Variants in NUDT5 observed in about 807,000 individuals in gnomAD.
The protein encoded by NUDT5 is ADP-sugar pyrophosphatase.
NUDT5 carries 21 observed loss-of-function variants against 34.1 expected under a neutral mutation model. The observed-to-expected ratio is 0.62, with a 90% CI of 0.44 to 0.89. NUDT5 has a LOEUF of 0.89. Ranked by LOEUF, NUDT5 falls within the 40% of genes least tolerant of loss-of-function variation. The pLI, the probability that NUDT5 is intolerant of heterozygous loss-of-function variation, is 0.00. For synonymous variants in NUDT5, 85 were observed against 97.6 expected, an observed-to-expected ratio of 0.87 and a Z score of 0.76; for missense variants, 249 against 274.8, an observed-to-expected ratio of 0.91 and a Z score of 0.66.
Position 12,169,557 on chromosome 10 carries a change from G to A in NUDT5, c.550+1160C>T. On this transcript the variant is annotated intron_variant, in intron 9 of 9. Transcript: ENST00000491614. The surrounding 1 kb of genome is among the most constrained non-coding windows in gnomAD (Gnocchi z 4.8). ...GATTGTCATGCCTTTCTCCAAATAC[G>A]CACCAGATAAACTATTGTATCTATT... 4.5e-6 allele frequency: 2 copies of A among 442,826 alleles called. No individual in the cohort carries two copies. Among genetic ancestry groups the A allele is most frequent in the Admixed American group, 4.0e-5 (1 of 24,868 alleles). 27.4% of individuals were successfully genotyped at this position (442,826 alleles called of 1,614,324 possible). A position where few individuals can be genotyped will look rare whatever the true frequency, so the allele number is the denominator to read the frequency against.
intron 5 of NUDT5, among the ~76,000 whole-genome samples, chr10:12,174,825 C>T (rs1283803628): frequency 6.6e-6 from 1 of 152,168 alleles, no homozygotes; most frequent in African/African-American, 2.4e-5. Context: ...ATTCTGCTTC[C>T]TCACACGTAG....
chr10:12,175,191 C>T lies in NUDT5; in HGVS notation c.290-1378G>A, dbSNP rs895699934. Among the ~76,000 whole-genome samples, 7 of 152,146 alleles carry T rather than the reference C, an allele frequency of 4.6e-5. No homozygotes were observed. Among genetic ancestry groups the T allele is most frequent in the East Asian group, 1.9e-4 (1 of 5,176 alleles). On this transcript the variant is annotated intron_variant, in intron 5 of 9. Coordinates refer to ENST00000491614, the MANE Select transcript of NUDT5 (RefSeq NM_014142.4). This position sits in a 1 kb window ranked among gnomAD's most constrained non-coding sequence, Gnocchi z 4.8. The stretch of plus-strand genomic sequence containing the variant: ...AAAAAATTAGCCAGGTGTGGTGGTA[C>T]GCACCTGTATTCCAGCTACGCGGGA...
At chr10:12,184,294 C>T (rs980380374) in intron 3 of NUDT5, among the ~76,000 whole-genome samples, 1 of 152,090 alleles carries the variant, frequency 6.6e-6, no homozygotes, top group Non-Finnish European at 1.5e-5. Flanking sequence ...CGATGCCCCC[C>T]GCCCCGGCCC....
intron 3 of NUDT5, chr10:12,184,670 T>A: frequency 1.3e-6 from 1 of 798,368 alleles, no homozygotes; most frequent in Non-Finnish European, 1.9e-6. Context: ...AGAATGGTAT[T>A]AAAATAGTTT....
Position 12,186,247 on chromosome 10 carries a change from C to T in NUDT5, c.45G>A (p.Gln15=), listed in dbSNP as rs755409030. ...GTTATACCTCCTCTGAAATGATATACTGTTTGCCATTCTGAGAAGATTCCG... is the reference window on the plus strand; with the variant it reads ...GTTATACCTCCTCTGAAATGATATATTGTTTGCCATTCTGAGAAGATTCCG... The part of the protein sequence containing the change: ...EPTESSQNGK[Q]YIISEELISE... The change falls in exon 2 of 10, where the codon CAG becomes CAA. Residue 15 remains glutamine (Q), a synonymous_variant. Transcript: ENST00000491614. 6.2e-7 allele frequency: 1 copy of T among 1,613,630 alleles called. No individual in the cohort carries two copies. The highest frequency in any genetic ancestry group is 1.1e-5 in the South Asian group (1 of 91,076).
At chr10:12,194,297 A>T (rs1454370159) in intron 1 of NUDT5, among the ~76,000 whole-genome samples, 1 of 152,174 alleles carries the variant, frequency 6.6e-6, no homozygotes, top group African/African-American at 2.4e-5. Flanking sequence ...ACCTAAATAA[A>T]TCCCCCATCG....
rs148530505 is a variant in NUDT5 at position 12,192,575 on chromosome 10, C to T, written c.-42+3195G>A. On this transcript the variant is annotated intron_variant, in intron 1 of 9. Coordinates refer to ENST00000491614, the MANE Select transcript of NUDT5 (RefSeq NM_014142.4). ...TATTTTTAAAAGATAATATTCTGGC[C>T]GGGCTCGGTGGCTCATGCCTGTAAT... 1.9e-4 allele frequency among the ~76,000 whole-genome samples: 29 copies of T among 152,018 alleles called. No individual in the cohort carries two copies. The East Asian group carries it at 1.9e-3, about 10-fold the overall frequency.
intron 5 of NUDT5, among the ~76,000 whole-genome samples, chr10:12,177,404 A>T (rs1364062650): frequency 6.6e-6 from 1 of 151,876 alleles, no homozygotes; most frequent in Non-Finnish European, 1.5e-5. Context: ...CTGTAGTCCC[A>T]GCCACTCGGG....
rs748703047 is a variant in NUDT5, at chr10:12,187,394, G to A, written c.-41-1062C>T. ...AAGTCATAGTTGCAGAGAAAGGATC[G>A]AGTAGTACTACAAGTTCTGTTATGA... On this transcript the variant is annotated intron_variant, in intron 1 of 9. Coordinates refer to ENST00000491614, the MANE Select transcript of NUDT5 (RefSeq NM_014142.4). The surrounding 1 kb of genome is among the most constrained non-coding windows in gnomAD (Gnocchi z 5.4). Among the ~76,000 whole-genome samples, 63 of 152,194 alleles carry A rather than the reference G, an allele frequency of 4.1e-4. 1 individual carries two copies. The highest frequency in any genetic ancestry group is 3.3e-4 in the Admixed American group (5 of 15,282).
rs1834809382 is a variant in NUDT5 at position 12,169,714 on chromosome 10, C to T, written c.550+1003G>A. ...AATCTGATTTTATCCAAAGAAATCA[C>T]AGCAGCCTTTGAAAGACACATTCAG... On this transcript the variant is annotated intron_variant, in intron 9 of 9. Coordinates refer to ENST00000491614, the MANE Select transcript of NUDT5 (RefSeq NM_014142.4). The surrounding 1 kb of genome is among the most constrained non-coding windows in gnomAD (Gnocchi z 4.8). 4.4e-6 allele frequency: 1 copy of T among 225,974 alleles called. No individual in the cohort carries two copies. The highest frequency in any genetic ancestry group is 8.6e-6 in the Non-Finnish European group (1 of 116,484). The allele number at this position is 225,974 out of a possible 1,614,324, so 14.0% of individuals were successfully genotyped here. A position where few individuals can be genotyped will look rare whatever the true frequency, so the allele number is the denominator to read the frequency against.
In NUDT5 at chr10:12,181,446, A is replaced by G. The variant is rs577513782; in HGVS notation, c.132-2314T>C. Among the ~76,000 whole-genome samples, 1 of 152,274 alleles carries G rather than the reference A, an allele frequency of 6.6e-6. No homozygotes were observed. Among genetic ancestry groups the G allele is most frequent in the Admixed American group, 6.5e-5 (1 of 15,286 alleles). On this transcript the variant is annotated intron_variant, in intron 3 of 9. Coordinates refer to ENST00000491614, the MANE Select transcript of NUDT5 (RefSeq NM_014142.4). This position sits in a 1 kb window ranked among gnomAD's most constrained non-coding sequence, Gnocchi z 5.0. ...AGTGTTTCAGAGTTTGGTTTTTCAGATTTTGAAATATTTGCCTTACCCTCT... is the reference window on the plus strand; with the variant it reads ...AGTGTTTCAGAGTTTGGTTTTTCAGGTTTTGAAATATTTGCCTTACCCTCT...
rs984887789 is a variant in NUDT5, at chr10:12,170,785, T to C, written c.497-15A>G. ...TTCCACAAACTCTAAACAGACAAAG[T>C]GCAAGTGAAAACAAAGCTAACGTCA... On this transcript the variant is annotated splice_polypyrimidine_tract_variant and intron_variant, in intron 8 of 9. Transcript: ENST00000491614. This position sits in a 1 kb window ranked among gnomAD's most constrained non-coding sequence, Gnocchi z 4.9. 6.8e-6 allele frequency: 11 copies of C among 1,613,886 alleles called. No individual in the cohort carries two copies. The African/African-American group carries it at 1.2e-4, about 18-fold the overall frequency.
Position 12,181,838 on chromosome 10 carries a change from A to G in NUDT5, c.132-2706T>C, listed in dbSNP as rs1239996777. Among the ~76,000 whole-genome samples, 1 of 151,878 alleles carries G rather than the reference A, an allele frequency of 6.6e-6. No homozygotes were observed. Among genetic ancestry groups the G allele is most frequent in the Non-Finnish European group, 1.5e-5 (1 of 67,970 alleles). ...TACTAAAAAAATAAAAATTAAATAA[A>G]TTTAAAAAAAAAGGATATGGCCGGA... is the stretch of plus-strand genomic sequence containing the variant. On this transcript the variant is annotated intron_variant, in intron 3 of 9. Coordinates refer to ENST00000491614, the MANE Select transcript of NUDT5 (RefSeq NM_014142.4). The surrounding 1 kb of genome is among the most constrained non-coding windows in gnomAD (Gnocchi z 5.0).
At position 12,170,971 on chromosome 10, in the gene NUDT5, T is replaced by C; in HGVS notation, c.488-63A>G. The C allele has an allele frequency of 6.4e-7, 1 of 1,572,670 alleles. No individual in the cohort carries two copies. The highest frequency in any genetic ancestry group is 8.7e-7 in the Non-Finnish European group (1 of 1,152,094). On this transcript the variant is annotated intron_variant, in intron 7 of 9. Transcript: ENST00000491614. This position sits in a 1 kb window ranked among gnomAD's most constrained non-coding sequence, Gnocchi z 4.9. ...TGGAGTGGTAACATCGGAAGACTTT[T>C]ATACAAGAGGCGTCAAAAAGGCTTT...
chr10:12,170,598 G>T lies in NUDT5; in HGVS notation c.550+119C>A. On this transcript the variant is annotated intron_variant, in intron 9 of 9. Coordinates refer to ENST00000491614, the MANE Select transcript of NUDT5 (RefSeq NM_014142.4). This position sits in a 1 kb window ranked among gnomAD's most constrained non-coding sequence, Gnocchi z 4.9. Reference sequence around the variant, plus strand: ...CACCTGCAGTTTTACAAGTTGCTAGGCATTTGACTTTAGTGATACAAAAAA... The same window carrying T: ...CACCTGCAGTTTTACAAGTTGCTAGTCATTTGACTTTAGTGATACAAAAAA... The T allele has an allele frequency of 1.0e-6, 1 of 958,124 alleles. No homozygotes were observed. 59.4% of individuals were successfully genotyped at this position (958,124 alleles called of 1,614,324 possible).
chr10:12,191,755 T>C (rs921391809), intron 1 of NUDT5, among the ~76,000 whole-genome samples: 14 of 152,026 alleles, frequency 9.2e-5, no homozygotes, highest in African/African-American at 3.4e-4. Context: ...ATAAACTAAT[T>C]TTGGGGTTAG....
rs1834672130 is a variant in NUDT5, at chr10:12,165,913, T to C, written c.*1789A>G. 1 of 151,132 alleles carries C rather than the reference T, an allele frequency of 6.6e-6. No homozygotes were observed. The highest frequency in any genetic ancestry group is 2.4e-5 in the African/African-American group (1 of 40,872). 9.4% of individuals were successfully genotyped at this position (151,132 alleles called of 1,614,324 possible). On this transcript the variant is annotated 3_prime_UTR_variant, in exon 10 of 10. Coordinates refer to ENST00000491614, the MANE Select transcript of NUDT5 (RefSeq NM_014142.4). ...ATCCACCCAGTGTTATGACGTCCGA[T>C]TTTTTTTTCCCTTAAGAAGGTGGAA...
In NUDT5 at chr10:12,181,435, T is replaced by C. The variant is rs886866168; in HGVS notation, c.132-2303A>G. Among the ~76,000 whole-genome samples, 3 of 152,214 alleles carry C rather than the reference T, an allele frequency of 2.0e-5. No homozygotes were observed. The highest frequency in any genetic ancestry group is 7.2e-5 in the African/African-American group (3 of 41,458). On this transcript the variant is annotated intron_variant, in intron 3 of 9. Coordinates refer to ENST00000491614, the MANE Select transcript of NUDT5 (RefSeq NM_014142.4). The surrounding 1 kb of genome is among the most constrained non-coding windows in gnomAD (Gnocchi z 5.0). ...GAGGGGCCGGAAGTGTTTCAGAGTT[T>C]GGTTTTTCAGATTTTGAAATATTTG...
In NUDT5 at chr10:12,169,587, A is replaced by T. The variant is rs761448776; in HGVS notation, c.550+1130T>A. 3.0e-5 allele frequency: 11 copies of T among 372,164 alleles called. No individual in the cohort carries two copies. In the South Asian group the frequency reaches 4.7e-4, roughly 16 times the overall value. The allele number at this position is 372,164 out of a possible 1,614,324, so 23.1% of individuals were successfully genotyped here. On this transcript the variant is annotated intron_variant, in intron 9 of 9. Transcript: ENST00000491614. This position sits in a 1 kb window ranked among gnomAD's most constrained non-coding sequence, Gnocchi z 4.8. The stretch of plus-strand genomic sequence containing the variant: ...AGATAAACTATTGTATCTATTCAGT[A>T]TGATTGTTCTAACTCTGGCTTTGAG...
Sources: allele counts gnomAD v4.1 joint callset (sites outside exome capture counted in the v4.1 genomes callset), GRCh38; gene constraint gnomAD v4.1.1; non-coding constraint Gnocchi (gnomAD v3.1); transcripts MANE v1.5; gene names NCBI Gene and HGNC (gene_info 2026-07-23, HGNC 2026-07-21).